The following SCN8A variants were observed in gnomAD, a reference collection of about 807,000 sequenced individuals.
SCN8A encodes sodium channel protein type 8 subunit alpha.
SCN8A carries 30 observed loss-of-function variants against 184.1 expected under a neutral mutation model. The observed-to-expected ratio is 0.16, with a 90% CI of 0.12 to 0.22. The LOEUF (loss-of-function observed/expected upper bound fraction) is 0.22. Ranked by LOEUF, SCN8A falls within the 10% of genes least tolerant of loss-of-function variation. SCN8A has a pLI of 1.00. For synonymous variants in SCN8A, 852 were observed against 907.0 expected, an observed-to-expected ratio of 0.94 and a Z score of 1.09; for missense variants, 1,057 against 2,498.9, an observed-to-expected ratio of 0.42 and a Z score of 12.30.
chr12:51,612,501 G>A (rs1939743285), intron 1 of SCN8A, among the ~76,000 whole-genome samples: 1 of 152,166 alleles, frequency 6.6e-6, no homozygotes, highest in African/African-American at 2.4e-5. Context: ...GGTCGGGTAA[G>A]TTCCCTTCTA....
intron 11 of SCN8A, among the ~76,000 whole-genome samples, chr12:51,708,319 A>T (rs1592395053): frequency 6.6e-6 from 1 of 152,314 alleles, no homozygotes; most frequent in East Asian, 1.9e-4. Context: ...GTTTTTCCCA[A>T]CTTTGATAAA....
chr12:51,661,119 T>C (rs1940916474), intron 1 of SCN8A, among the ~76,000 whole-genome samples: 2 of 152,084 alleles, frequency 1.3e-5, no homozygotes, highest in Non-Finnish European at 2.9e-5. Context: ...ACCAGAGCAT[T>C]TTGGTTGTGA....
At chr12:51,759,865 T>C (rs1565914269) in intron 14 of SCN8A, among the ~76,000 whole-genome samples, 1 of 152,216 alleles carries the variant, frequency 6.6e-6, no homozygotes, top group Non-Finnish European at 1.5e-5. Flanking sequence ...AAGGGCATGG[T>C]GCCAGTACCT....
intron 11 of SCN8A, among the ~76,000 whole-genome samples, chr12:51,720,183 T>TA (rs1449098084): frequency 6.6e-6 from 1 of 150,978 alleles, no homozygotes; most frequent in Non-Finnish European, 1.5e-5. Context: ...TTATATAACT[T>TA]ACAGCTGTTT....
intron 11 of SCN8A, among the ~76,000 whole-genome samples, chr12:51,715,648 T>C (rs1276570304): frequency 1.3e-5 from 1 of 79,598 alleles, no homozygotes; most frequent in Non-Finnish European, 2.4e-5. Context: ...ACAGAGCAAG[T>C]CTCTGTCTCA....
At chr12:51,616,534 C>G (rs118029744) in intron 1 of SCN8A, among the ~76,000 whole-genome samples, 15,597 of 151,956 alleles carry the variant, frequency 0.1, 958 homozygotes, top group South Asian at 0.23. Flanking sequence ...ATCATTTGAA[C>G]CCGGGAGGCG....
At chr12:51,739,884 G>C (rs1204622852) in intron 12 of SCN8A, among the ~76,000 whole-genome samples, 1 of 152,220 alleles carries the variant, frequency 6.6e-6, no homozygotes. Flanking sequence ...GGAGCTGGGA[G>C]CCCCAAACAG....
Position 51,765,718 on chromosome 12 carries a change from A to G in SCN8A, c.2592A>G (p.Leu864=). Reference sequence around the variant, plus strand: ...AATCCTGGCCCACCCTGAACATGCTAATCAAGATTATTGGAAATTCAGTGG... The same window carrying G: ...AATCCTGGCCCACCCTGAACATGCTGATCAAGATTATTGGAAATTCAGTGG... The part of the protein sequence containing the change: ...LAKSWPTLNM[L]IKIIGNSVGA... The change falls in exon 16 of 27, where the codon CTA becomes CTG. Residue 864 remains leucine (L), a synonymous_variant. Transcript: ENST00000627620. 6.2e-7 allele frequency: 1 copy of G among 1,612,528 alleles called. No individual in the cohort carries two copies. Among genetic ancestry groups the G allele is most frequent in the Non-Finnish European group, 8.5e-7 (1 of 1,179,460 alleles).
chr12:51,736,685 G>A (rs983788720), intron 12 of SCN8A, among the ~76,000 whole-genome samples: 1 of 152,224 alleles, frequency 6.6e-6, no homozygotes, highest in Non-Finnish European at 1.5e-5. Context: ...TAAAAAGGGT[G>A]CATTCTACTC....
At chr12:51,793,317 G>C (rs1938317978) in intron 25 of SCN8A, among the ~76,000 whole-genome samples, 1 of 152,136 alleles carries the variant, frequency 6.6e-6, no homozygotes, top group Admixed American at 6.5e-5. Context: ...TGGCTTGAGA[G>C]CCTGGATGAA....
rs1938864658 is a variant in SCN8A at position 51,810,693 on chromosome 12, G to A, written c.*3264G>A. On this transcript the variant is annotated 3_prime_UTR_variant, in exon 27 of 27. Transcript: ENST00000627620. ...GAGCCAAAGCCACTGAGCAGCAGCT[G>A]ACATGGTTGCTGGTTTGTGTGTGAA... The A allele has an allele frequency of 6.5e-6, 1 of 153,314 alleles. No individual in the cohort carries two copies. The highest frequency in any genetic ancestry group is 1.4e-5 in the Non-Finnish European group (1 of 68,970). The allele number at this position is 153,314 out of a possible 1,614,324, so 9.5% of individuals were successfully genotyped here. A position where few individuals can be genotyped will look rare whatever the true frequency, so the allele number is the denominator to read the frequency against.
At chr12:51,687,265 G>A in intron 5 of SCN8A, 46 bp downstream of exon 5, 1 of 1,606,730 alleles carries the variant, frequency 6.2e-7, no homozygotes, top group Non-Finnish European at 8.5e-7. Context: ...GTGATTCTGT[G>A]TGTGGAGTTG....
rs1060504138 is a variant in SCN8A at position 51,751,548 on chromosome 12, T to C, written c.2325T>C (p.His775=). 1 of 1,613,850 alleles carries C rather than the reference T, an allele frequency of 6.2e-7. No individual in the cohort carries two copies. Among genetic ancestry groups the C allele is most frequent in the Admixed American group, 1.7e-5 (1 of 60,008 alleles). ...CACTGTTTATGGCAATGGAGCACCA[T>C]CCTATGACACCACAATTTGAACATG... The part of the protein sequence containing the change: ...LNTLFMAMEH[H]PMTPQFEHVL... The change falls in exon 14 of 27, where the codon CAT becomes CAC. Residue 775 remains histidine, a synonymous_variant. Transcript: ENST00000627620.
At chr12:51,695,039 C>T (rs1249021283) in intron 6 of SCN8A, among the ~76,000 whole-genome samples, 1 of 152,186 alleles carries the variant, frequency 6.6e-6, no homozygotes, top group Non-Finnish European at 1.5e-5. Context: ...GCTGTGTGAT[C>T]ATGTGCCTTC....
At chr12:51,722,005 C>CT (rs1942077257) in intron 12 of SCN8A, 97 bp downstream of exon 12, 1 of 1,589,782 alleles carries the variant, frequency 6.3e-7, no homozygotes, top group East Asian at 2.2e-5. Context: ...TTCCCCTCCT[C>CT]TTTCCCTGCT....
chr12:51,619,408 A>G (rs1481339240), intron 1 of SCN8A, among the ~76,000 whole-genome samples: 1 of 152,192 alleles, frequency 6.6e-6, no homozygotes, highest in South Asian at 2.1e-4. Flanking sequence ...TGCATATGTG[A>G]GGCTATATAG....
chr12:51,736,595 T>C (rs1277895110), intron 12 of SCN8A, among the ~76,000 whole-genome samples: 2 of 152,204 alleles, frequency 1.3e-5, no homozygotes, highest in African/African-American at 2.4e-5. Flanking sequence ...GATATTGCAA[T>C]AGCAACTAGG....
intron 1 of SCN8A, among the ~76,000 whole-genome samples, chr12:51,654,209 A>G (rs1403308440): frequency 6.6e-6 from 1 of 152,134 alleles, no homozygotes; most frequent in African/African-American, 2.4e-5. Context: ...AGTTCCATTT[A>G]TCTATTTTTT....
At chr12:51,645,075 G>T (rs1385083761) in intron 1 of SCN8A, among the ~76,000 whole-genome samples, 1 of 150,910 alleles carries the variant, frequency 6.6e-6, no homozygotes, top group Non-Finnish European at 1.5e-5. Context: ...CGGGAGGGAG[G>T]TGGGGGGATC....
Sources: gnomAD v4.1 joint callset for allele counts (sites outside exome capture counted in the v4.1 genomes callset) on GRCh38, gnomAD v4.1.1 for gene constraint, MANE v1.5 for transcripts, NCBI Gene and HGNC (gene_info 2026-07-23, HGNC 2026-07-21) for gene names.